The following IRF6 variants were observed in gnomAD, a reference collection of about 807,000 sequenced individuals.
IRF6 encodes the protein Van der Woude syndrome.
In IRF6, 6 loss-of-function variants were observed where a neutral mutation model predicts 51.4. The observed-to-expected ratio is 0.12, with a 90% CI of 0.06 to 0.23. IRF6 has a LOEUF of 0.23. IRF6 is among the 10% of genes least tolerant of loss of function. The probability of loss-of-function intolerance (pLI) is 1.00; values close to 1 mark genes in which losing one functional copy is unlikely to be tolerated. For missense variants in IRF6, 348 were observed against 585.2 expected (o/e 0.59, Z 4.18); for synonymous variants, 178 against 215.7 (o/e 0.83, Z 1.53).
At chr1:209,793,638 G>A (rs1350894263) in intron 5 of IRF6, among the ~76,000 whole-genome samples, 1 of 152,160 alleles carries the variant, frequency 6.6e-6, no homozygotes, top group Non-Finnish European at 1.5e-5. Flanking sequence ...ACATGTCCCG[G>A]GGTTTGGTAT....
intron 1 of IRF6, among the ~76,000 whole-genome samples, chr1:209,803,204 C>T (rs1350470418): frequency 6.6e-6 from 1 of 152,142 alleles, no homozygotes; most frequent in Non-Finnish European, 1.5e-5. Context: ...ACCTTCTGCT[C>T]CCCAGTCCTA....
chr1:209,803,892 A>G (rs1381046574), intron 1 of IRF6, among the ~76,000 whole-genome samples: 5 of 152,142 alleles, frequency 3.3e-5, no homozygotes, highest in East Asian at 3.9e-4. Context: ...ACAGCATACA[A>G]CTTGACTGTG....
rs1307051774 is a variant in IRF6 at position 209,790,867 on chromosome 1, A to G, written c.688T>C (p.Phe230Leu). The G allele has an allele frequency of 6.2e-7, 1 of 1,612,732 alleles. No homozygotes were observed. Among genetic ancestry groups the G allele is most frequent in the South Asian group, 1.1e-5 (1 of 91,028 alleles). ...CCGTACTCCTTCCCACGGTACTGAA[A>G]CTTGATGTCCAGGTCAGTCACTGCA... ...SLPMTDLDIKFQYRGKEYGQT... is the reference protein window; with the variant it reads ...SLPMTDLDIKLQYRGKEYGQT... Residue 230 changes from phenylalanine (F) to leucine (L), a missense_variant, in exon 7 of 9, where the codon TTT becomes CTT. Transcript: ENST00000367021. The surrounding 1 kb of genome is among the most constrained non-coding windows in gnomAD (Gnocchi z 4.8).
intron 3 of IRF6, among the ~76,000 whole-genome samples, chr1:209,800,617 G>T (rs1225968340): frequency 6.6e-6 from 1 of 152,086 alleles, no homozygotes; most frequent in Non-Finnish European, 1.5e-5. Context: ...AAATTAGCCA[G>T]GCGTGGTGGT....
chr1:209,788,282 C>T lies in IRF6; in HGVS notation c.*138G>A. 1 of 658,828 alleles carries T rather than the reference C, an allele frequency of 1.5e-6. No individual in the cohort carries two copies. Among genetic ancestry groups the T allele is most frequent in the Non-Finnish European group, 2.6e-6 (1 of 385,368 alleles). 40.8% of individuals were successfully genotyped at this position (658,828 alleles called of 1,614,324 possible). A position where few individuals can be genotyped will look rare whatever the true frequency, so the allele number is the denominator to read the frequency against. On this transcript the variant is annotated 3_prime_UTR_variant, in exon 9 of 9. Coordinates refer to ENST00000367021, the MANE Select transcript of IRF6 (RefSeq NM_006147.4). ...TCCATAAATTAAATCAGCTTTAAAT[C>T]TAGGCATATTTGGAGAATCACAAAC...
In IRF6 at chr1:209,796,380, A is replaced by G; in HGVS notation, c.347T>C (p.Ile116Thr). The G allele has an allele frequency of 6.2e-7, 1 of 1,614,088 alleles. No individual in the cohort carries two copies. Among genetic ancestry groups the G allele is most frequent in the Non-Finnish European group, 8.5e-7 (1 of 1,180,030 alleles). The change falls in exon 4 of 9, where the codon ATC (isoleucine) becomes ACC (threonine). Residue 116 changes from isoleucine (I) to threonine (T), a missense_variant. By Grantham distance (89) the Ile-to-Thr change is moderately conservative. Transcript: ENST00000367021. The surrounding 1 kb of genome is among the most constrained non-coding windows in gnomAD (Gnocchi z 4.5). ...AATGATCGAGCCCTGGGGCTGAGGG[A>G]TGTCACACACTTGATATATCTTCAC... ...NPVKIYQVCD[I>T]PQPQGSIINP... is the part of the protein sequence containing the mutation.
At chr1:209,795,476 A>G in intron 4 of IRF6, 58 bp from the exon 5 acceptor site, 2 of 1,609,522 alleles carry the variant, frequency 1.2e-6, no homozygotes, top group Non-Finnish European at 1.7e-6. Flanking sequence ...CCACCCCTGC[A>G]GCTGACCCAC....
At chr1:209,792,571 C>A in intron 5 of IRF6, 144 bp from the exon 6 acceptor site, 1 of 772,876 alleles carries the variant, frequency 1.3e-6, no homozygotes. Context: ...TCAGTGATTC[C>A]CATAACTAAC....
At position 209,802,001 on chromosome 1, in the gene IRF6, A is replaced by T. The variant is rs1489376774; in HGVS notation, c.-33T>A. The T allele has an allele frequency of 6.6e-6, 1 of 152,244 alleles. No homozygotes were observed. Among genetic ancestry groups the T allele is most frequent in the Non-Finnish European group, 1.5e-5 (1 of 68,070 alleles). 9.4% of individuals were successfully genotyped at this position (152,244 alleles called of 1,614,324 possible). On this transcript the variant is annotated 5_prime_UTR_variant, in exon 2 of 9. Coordinates refer to ENST00000367021, the MANE Select transcript of IRF6 (RefSeq NM_006147.4). ...AAGAGCAGGCAGTGTGTCCACAGGGATCTGAAGAGTCGGCTTGTCTTTCCC... is the reference window on the plus strand; with the variant it reads ...AAGAGCAGGCAGTGTGTCCACAGGGTTCTGAAGAGTCGGCTTGTCTTTCCC...
At chr1:209,795,260 G>A in intron 5 of IRF6, 30 bp downstream of exon 5, 1 of 1,613,164 alleles carries the variant, frequency 6.2e-7, no homozygotes, top group Non-Finnish European at 8.5e-7. Context: ...TCCTCCATAT[G>A]TCTCTGTACC....
At chr1:209,789,847 C>G in intron 7 of IRF6, 62 bp from the exon 8 acceptor site, 1 of 1,096,312 alleles carries the variant, frequency 9.1e-7, no homozygotes. Context: ...TCAACAAATA[C>G]CATCTTTTAT....
intron 3 of IRF6, among the ~76,000 whole-genome samples, chr1:209,797,352 A>G (rs1358259191): frequency 6.8e-6 from 1 of 147,232 alleles, no homozygotes; most frequent in African/African-American, 2.5e-5. Flanking sequence ...CCTGGGCAAC[A>G]AGAGTAAAAC....
At chr1:209,793,615 A>G (rs1251457711) in intron 5 of IRF6, among the ~76,000 whole-genome samples, 2 of 152,184 alleles carry the variant, frequency 1.3e-5, no homozygotes, top group African/African-American at 4.8e-5. Flanking sequence ...CAGGTTTGTT[A>G]TATAGGTGAA....
intron 2 of IRF6, among the ~76,000 whole-genome samples, chr1:209,801,688 C>A (rs1462237830): frequency 1.3e-5 from 2 of 152,130 alleles, no homozygotes; most frequent in African/African-American, 4.8e-5. Flanking sequence ...AATCCTGAAG[C>A]AGAAAAATAA....
At chr1:209,794,310 C>A (rs747271701) in intron 5 of IRF6, among the ~76,000 whole-genome samples, 2 of 152,168 alleles carry the variant, frequency 1.3e-5, no homozygotes, top group African/African-American at 2.4e-5. Context: ...ATTTGTATTT[C>A]TCTAATGATT....
At chr1:209,797,280 G>A (rs1256526673) in intron 3 of IRF6, among the ~76,000 whole-genome samples, 1 of 130,978 alleles carries the variant, frequency 7.6e-6, no homozygotes, top group Non-Finnish European at 1.5e-5. Context: ...TGAGGCAGGA[G>A]AATCACTTGA....
At position 209,792,428 on chromosome 1, in the gene IRF6, C is replaced by G; in HGVS notation, c.509-1G>C. 1 of 1,613,916 alleles carries G rather than the reference C, an allele frequency of 6.2e-7. No homozygotes were observed. Among genetic ancestry groups the G allele is most frequent in the East Asian group, 2.2e-5 (1 of 44,878 alleles). ...ACACTGGCTGGCGCCATGGGAGAAC[C>G]TAAAACAAAAGCATATGGTGAGCAG... On this transcript the variant is annotated splice_acceptor_variant, in intron 5 of 8. Transcript: ENST00000367021. LOFTEE classifies it high-confidence loss of function.
chr1:209,799,433 C>T (rs1358387397), intron 3 of IRF6, among the ~76,000 whole-genome samples: 2 of 152,172 alleles, frequency 1.3e-5, no homozygotes, highest in East Asian at 1.9e-4. Flanking sequence ...AGGGTTGTCA[C>T]GAGAATTAAA....
rs1359097063 is a variant in IRF6 at position 209,790,703 on chromosome 1, A to G, written c.852T>C (p.Asn284=). ...TGCTAGTGAACAGCTTCTGCTTCTCATTGGTAATATGCTCAGGACCTGGGA... is the reference window on the plus strand; with the variant it reads ...TGCTAGTGAACAGCTTCTGCTTCTCGTTGGTAATATGCTCAGGACCTGGGA... ...VKFPGPEHIT[N]EKQKLFTSKL... is the part of the protein sequence containing the mutation. Residue 284 remains asparagine, a synonymous_variant, in exon 7 of 9, where the codon AAT becomes AAC. Transcript: ENST00000367021. The surrounding 1 kb of genome is among the most constrained non-coding windows in gnomAD (Gnocchi z 4.8). 3.1e-6 allele frequency: 5 copies of G among 1,614,128 alleles called. No individual in the cohort carries two copies. The highest frequency in any genetic ancestry group is 3.4e-6 in the Non-Finnish European group (4 of 1,180,034).
Sources: gnomAD v4.1 joint callset for allele counts (sites outside exome capture counted in the v4.1 genomes callset) on GRCh38, gnomAD v4.1.1 for gene constraint, Gnocchi (gnomAD v3.1) non-coding constraint, MANE v1.5 for transcripts, NCBI Gene and HGNC (gene_info 2026-07-23, HGNC 2026-07-21) for gene names.